The following RALGAPB variants were observed in gnomAD, a reference collection of about 807,000 sequenced individuals.
RALGAPB encodes the protein Ral GTPase activating protein non-catalytic subunit beta, also known as ral GTPase-activating protein subunit beta.
RALGAPB carries 25 observed loss-of-function variants against 161.1 expected under a neutral mutation model. The ratio of observed to expected loss-of-function variants is 0.16; its 90% CI spans 0.11 to 0.22. RALGAPB has a LOEUF of 0.22. Ranked by LOEUF, RALGAPB falls within the 10% of genes least tolerant of loss-of-function variation. RALGAPB has a pLI of 1.00. For missense variants in RALGAPB, 1,391 were observed against 1,815.2 expected (o/e 0.77, Z 4.25); for synonymous variants, 629 against 626.1 (o/e 1.00, Z -0.07).
intron 4 of RALGAPB, among the ~76,000 whole-genome samples, chr20:38,498,069 CAAAAAAAAA>C (rs11481813): frequency 8.1e-6 from 1 of 123,870 alleles, no homozygotes; most frequent in Non-Finnish European, 1.6e-5. Flanking sequence ...GACTCTGTCT[CAAAAAAAAA>C]AAAAAAAGAA....
At chr20:38,552,591 T>C (rs1389747629) in intron 21 of RALGAPB, among the ~76,000 whole-genome samples, 1 of 152,046 alleles carries the variant, frequency 6.6e-6, no homozygotes, top group Non-Finnish European at 1.5e-5. Context: ...ATAGAGGCAG[T>C]AGGGTCAAGA....
In RALGAPB at chr20:38,493,096, C is replaced by T; in HGVS notation, c.353C>T (p.Thr118Ile). The T allele has an allele frequency of 8.7e-6, 14 of 1,610,978 alleles. No homozygotes were observed. Among genetic ancestry groups the T allele is most frequent in the Non-Finnish European group, 1.2e-5 (14 of 1,177,938 alleles). Residue 118 changes from threonine to isoleucine, a missense_variant, in exon 3 of 30, where the codon ACT becomes ATT. This residue lies in a region of RALGAPB where 946 missense variants were observed against 1,257.2 expected (regional missense o/e 0.75). Transcript: ENST00000262879. ...VIKEPNQYVQ[T>I]ILKHLQNLFV... Reference sequence around the variant, plus strand: ...AAAGAGCCTAATCAATATGTTCAAACTATACTAAAACACCTACAGAATCTT... The same window carrying T: ...AAAGAGCCTAATCAATATGTTCAAATTATACTAAAACACCTACAGAATCTT...
At chr20:38,488,768 T>A in intron 2 of RALGAPB, 150 bp downstream of exon 2, 1 of 752,044 alleles carries the variant, frequency 1.3e-6, no homozygotes, top group Non-Finnish European at 2.1e-6. Context: ...CCCAACGTAG[T>A]ATGACTTCTC....
At chr20:38,570,693 T>C (rs1480892879) in intron 27 of RALGAPB, 76 bp from the exon 28 acceptor site, 6 of 931,396 alleles carry the variant, frequency 6.4e-6, no homozygotes, top group Admixed American at 5.6e-5. Context: ...GTAAAGCGAT[T>C]AGAAAATTAG....
intron 20 of RALGAPB, 97 bp from the exon 21 acceptor site, chr20:38,550,974 A>G: frequency 2.2e-6 from 3 of 1,382,846 alleles, no homozygotes; most frequent in Non-Finnish European, 3.0e-6. Context: ...ATGTAATCCT[A>G]GGGAAACACA....
In RALGAPB at chr20:38,497,340, C is replaced by A; in HGVS notation, c.390-13C>A. 1 of 1,612,064 alleles carries A rather than the reference C, an allele frequency of 6.2e-7. No homozygotes were observed. ...CTCCAGGCTTGTCAGTGATATCTGT[C>A]TGTCTTCTTCAGACAGGAACAGGGT... On this transcript the variant is annotated splice_polypyrimidine_tract_variant and intron_variant, in intron 3 of 29. Coordinates refer to ENST00000262879, the MANE Select transcript of RALGAPB (RefSeq NM_020336.4).
chr20:38,517,563 T>C lies in RALGAPB; in HGVS notation c.1109T>C (p.Met370Thr), dbSNP rs2086166973. The stretch of plus-strand genomic sequence containing the variant: ...CCAACACCCGTGAATAGATTAAGTA[T>C]GCCTCAAAGTGCTGCTGTCAGTACC... ...APPTPVNRLS[M>T]PQSAAVSTTP... Residue 370 changes from methionine (M) to threonine (T), a missense_variant, in exon 8 of 30, where the codon ATG becomes ACG. Coordinates refer to ENST00000262879, the MANE Select transcript of RALGAPB (RefSeq NM_020336.4). 1.2e-6 allele frequency: 2 copies of C among 1,613,718 alleles called. No homozygotes were observed. The highest frequency in any genetic ancestry group is 1.7e-6 in the Non-Finnish European group (2 of 1,179,878).
At chr20:38,571,120 A>C (rs1251076335) in intron 28 of RALGAPB, among the ~76,000 whole-genome samples, 2 of 152,190 alleles carry the variant, frequency 1.3e-5, no homozygotes, top group African/African-American at 4.8e-5. Flanking sequence ...GGAGATAAGT[A>C]TATATGCATG....
At chr20:38,475,593 A>G (rs2084778996) in intron 1 of RALGAPB, among the ~76,000 whole-genome samples, 1 of 151,954 alleles carries the variant, frequency 6.6e-6, no homozygotes, top group Non-Finnish European at 1.5e-5. Context: ...TGAATTAAAA[A>G]CACATTTCAT....
intron 1 of RALGAPB, among the ~76,000 whole-genome samples, chr20:38,475,565 A>G (rs2084778350): frequency 6.6e-6 from 1 of 152,128 alleles, no homozygotes; most frequent in Non-Finnish European, 1.5e-5. Flanking sequence ...GCAATTAAAC[A>G]TGACAAAGTA....
In RALGAPB at chr20:38,550,152, G is replaced by C. The variant is rs1402906158; in HGVS notation, c.3010-919G>C. Among the ~76,000 whole-genome samples the C allele has an allele frequency of 3.3e-5, 5 of 152,190 alleles. No individual in the cohort carries two copies. The East Asian group carries it at 7.7e-4, about 23-fold the overall frequency. On this transcript the variant is annotated intron_variant, in intron 20 of 29. Coordinates refer to ENST00000262879, the MANE Select transcript of RALGAPB (RefSeq NM_020336.4). ...CACTCTGGGGCCTGTTGTCGGGTAG[G>C]GGGAGTGGGGAGGGATAGCAATGGG...
At position 38,578,069 on chromosome 20, in the gene RALGAPB, TAAAA is replaced by T. The variant is rs1000146833; in HGVS notation, c.*3106_*3109del. Reference sequence around the variant, plus strand: ...TAAAAATAAATAAATAAATAAATAATAAAAAAAGAAACATGTATTGGAGGTAATT... The same window carrying T: ...TAAAAATAAATAAATAAATAAATAATAAAGAAACATGTATTGGAGGTAATT... On this transcript the variant is annotated 3_prime_UTR_variant, in exon 30 of 30. Coordinates refer to ENST00000262879, the MANE Select transcript of RALGAPB (RefSeq NM_020336.4). The T allele has an allele frequency of 2.0e-5, 3 of 151,502 alleles. No individual in the cohort carries two copies. The highest frequency in any genetic ancestry group is 2.1e-4 in the South Asian group (1 of 4,828). 9.4% of individuals were successfully genotyped at this position (151,502 alleles called of 1,614,324 possible). A position where few individuals can be genotyped will look rare whatever the true frequency, so the allele number is the denominator to read the frequency against.
At chr20:38,477,553 G>A (rs2084843734) in intron 1 of RALGAPB, among the ~76,000 whole-genome samples, 1 of 151,922 alleles carries the variant, frequency 6.6e-6, no homozygotes, top group African/African-American at 2.4e-5. Flanking sequence ...TGCCTTATGG[G>A]GTCAATGGGA....
At chr20:38,527,776 A>G (rs1041397823) in intron 13 of RALGAPB, among the ~76,000 whole-genome samples, 8 of 152,220 alleles carry the variant, frequency 5.3e-5, no homozygotes, top group African/African-American at 1.9e-4. Context: ...CTACGATTGA[A>G]GCAGTATTTG....
chr20:38,542,217 C>G (rs2086994370), intron 18 of RALGAPB, among the ~76,000 whole-genome samples: 1 of 152,136 alleles, frequency 6.6e-6, no homozygotes, highest in African/African-American at 2.4e-5. Context: ...TTAGTGTGGG[C>G]TGGGGCATCT....
At chr20:38,495,080 A>G (rs1332218542) in intron 3 of RALGAPB, among the ~76,000 whole-genome samples, 1 of 152,204 alleles carries the variant, frequency 6.6e-6, no homozygotes, top group Non-Finnish European at 1.5e-5. Context: ...TTAGCTGAAT[A>G]TTTTCAATGG....
rs934186115 is a variant in RALGAPB at position 38,575,940 on chromosome 20, G to A, written c.*973G>A. On this transcript the variant is annotated 3_prime_UTR_variant, in exon 30 of 30. Transcript: ENST00000262879. ...TGGGGTTCAGGAATAGCCTCTCAAC[G>A]CTACTAATTCAGATCTCTCCCAGAG... The A allele has an allele frequency of 1.3e-5, 2 of 152,448 alleles. No individual in the cohort carries two copies. The highest frequency in any genetic ancestry group is 2.4e-5 in the African/African-American group (1 of 41,422). 9.4% of individuals were successfully genotyped at this position (152,448 alleles called of 1,614,324 possible).
At chr20:38,548,838 A>G (rs576439509) in intron 20 of RALGAPB, 43 bp downstream of exon 20, 2 of 1,490,260 alleles carry the variant, frequency 1.3e-6, no homozygotes, top group South Asian at 1.1e-5. Context: ...GTGTTTTGTA[A>G]TTTAAAGGTT....
chr20:38,566,089 C>A (rs1003037099), intron 25 of RALGAPB, among the ~76,000 whole-genome samples: 1 of 152,198 alleles, frequency 6.6e-6, no homozygotes, highest in Admixed American at 6.5e-5. Flanking sequence ...TGGGAAACTT[C>A]ACCTTCTTCT....
Sources: allele counts gnomAD v4.1 joint callset (sites outside exome capture counted in the v4.1 genomes callset), GRCh38; gene constraint gnomAD v4.1.1; regional missense constraint gnomAD v4.1.1; transcripts MANE v1.5; gene names NCBI Gene and HGNC (gene_info 2026-07-23, HGNC 2026-07-21).